DLG2: variants seen among roughly 807,000 people sequenced by gnomAD.
DLG2 encodes the protein discs large MAGUK scaffold protein 2, also known as disks large homolog 2.
Under a neutral mutation model 132.5 loss-of-function variants are expected in DLG2, and 45 were observed. That is an observed-to-expected ratio of 0.34 (90% CI 0.27 to 0.44). DLG2 has a LOEUF of 0.44. Among genes scored for constraint, DLG2 ranks in the 20% least tolerant of loss-of-function variants. The pLI is 1.00. For synonymous variants in DLG2, 424 were observed against 419.6 expected, an observed-to-expected ratio of 1.01 and a Z score of -0.13; for missense variants, 1,045 against 1,196.9, an observed-to-expected ratio of 0.87 and a Z score of 1.87.
rs549552154 is a variant in DLG2, at chr11:84,980,384, T to C, written c.357+131277A>G. On this transcript the variant is annotated intron_variant, in intron 6 of 27. Coordinates refer to ENST00000376104, the MANE Select transcript of DLG2 (RefSeq NM_001142699.3). ...CTACTCTTAAAACTTTTAGTAACTC[T>C]TGCCTGTATGAGGGTACTTTCTGAA... Among the ~76,000 whole-genome samples, 5 of 152,260 alleles carry C rather than the reference T, an allele frequency of 3.3e-5. No individual in the cohort carries two copies. The South Asian group carries it at 8.3e-4, about 25-fold the overall frequency.
intron 20 of DLG2, among the ~76,000 whole-genome samples, chr11:83,536,564 TG>T (rs1356394259): frequency 7.7e-5 from 9 of 116,322 alleles, no homozygotes; most frequent in Admixed American, 1.6e-4. Flanking sequence ...AATAACGTGG[TG>T]TTTTTTTTTT....
At chr11:84,705,401 C>T (rs756107572) in intron 6 of DLG2, among the ~76,000 whole-genome samples, 1 of 151,682 alleles carries the variant, frequency 6.6e-6, no homozygotes, top group Non-Finnish European at 1.5e-5. Flanking sequence ...CCCTTCTTAC[C>T]AGTTCTATTG....
intron 19 of DLG2, among the ~76,000 whole-genome samples, chr11:83,596,670 C>A (rs2057639171): frequency 6.6e-6 from 1 of 152,188 alleles, no homozygotes; most frequent in Non-Finnish European, 1.5e-5. Flanking sequence ...AGATTCCATT[C>A]ACCTGAACCT....
At chr11:84,390,363 A>T (rs920901217) in intron 7 of DLG2, among the ~76,000 whole-genome samples, 2 of 152,186 alleles carry the variant, frequency 1.3e-5, no homozygotes, top group African/African-American at 2.4e-5. Flanking sequence ...AAATGTAATG[A>T]CTACCACCAT....
At chr11:84,817,728 C>T (rs369027800) in intron 6 of DLG2, among the ~76,000 whole-genome samples, 34 of 151,956 alleles carry the variant, frequency 2.2e-4, no homozygotes, top group African/African-American at 6.7e-4. Context: ...TGGGTGAAGA[C>T]GATTACTTTG....
chr11:85,342,645 C>T (rs1459498438), intron 3 of DLG2, among the ~76,000 whole-genome samples: 6 of 152,182 alleles, frequency 3.9e-5, no homozygotes, highest in South Asian at 2.1e-4. Context: ...TCAAGTATTA[C>T]GTGCTGTGCA....
chr11:84,191,396 G>A (rs550528590), intron 8 of DLG2, among the ~76,000 whole-genome samples: 7 of 152,114 alleles, frequency 4.6e-5, no homozygotes, highest in Admixed American at 6.6e-5. Context: ...AAAATAATTT[G>A]TATATAGCTG....
At chr11:85,469,178 G>C (rs895817833) in intron 3 of DLG2, among the ~76,000 whole-genome samples, 5 of 152,060 alleles carry the variant, frequency 3.3e-5, no homozygotes, top group African/African-American at 1.2e-4. Context: ...TCTAAATATA[G>C]CTCAAATATG....
intron 18 of DLG2, among the ~76,000 whole-genome samples, chr11:83,693,443 C>T (rs2081332210): frequency 6.6e-6 from 1 of 152,126 alleles, no homozygotes; most frequent in Non-Finnish European, 1.5e-5. Context: ...AACACGCAAT[C>T]AAACCGTGCA....
chr11:85,134,403 C>T (rs1345054205), intron 5 of DLG2, among the ~76,000 whole-genome samples: 2 of 148,788 alleles, frequency 1.3e-5, no homozygotes, highest in Non-Finnish European at 1.5e-5. Flanking sequence ...GTGGCGGGCG[C>T]CTGTAGTCCC....
At chr11:84,610,898 C>G (rs2099594257) in intron 6 of DLG2, among the ~76,000 whole-genome samples, 1 of 152,036 alleles carries the variant, frequency 6.6e-6, no homozygotes, top group South Asian at 2.1e-4. Context: ...ATTCTCCTCC[C>G]TCTCCTGCCA....
At chr11:85,064,567 C>T (rs2064606830) in intron 6 of DLG2, among the ~76,000 whole-genome samples, 1 of 151,662 alleles carries the variant, frequency 6.6e-6, no homozygotes, top group Admixed American at 6.6e-5. Flanking sequence ...ATTATACCAT[C>T]CCCTAGGGAG....
chr11:84,732,653 A>G (rs1473331065), intron 6 of DLG2, among the ~76,000 whole-genome samples: 1 of 151,168 alleles, frequency 6.6e-6, no homozygotes, highest in Non-Finnish European at 1.5e-5. Context: ...ATAAATATAT[A>G]TTTATTATAC....
In DLG2 at chr11:85,132,925, A is replaced by AG. The variant is rs1248815837; in HGVS notation, c.283-21191dup. ...GGATTCTGTACAGACGGCTTTTCCA[A>AG]GGGGGCCCCTCATGGGAAACTCGAG... On this transcript the variant is annotated intron_variant, in intron 5 of 27. Transcript: ENST00000376104. The AG allele has an allele frequency of 6.9e-6, 3 of 433,612 alleles. No individual in the cohort carries two copies. The Admixed American group carries it at 7.4e-5, about 11-fold the overall frequency. The allele number at this position is 433,612 out of a possible 1,614,324, so 26.9% of individuals were successfully genotyped here.
intron 3 of DLG2, among the ~76,000 whole-genome samples, chr11:85,559,172 G>A (rs1309096465): frequency 7.0e-6 from 1 of 142,224 alleles, no homozygotes; most frequent in African/African-American, 2.6e-5. Context: ...TTTTTTTTGA[G>A]ACGGTGTCTT....
At chr11:84,526,802 G>C (rs986487788) in intron 7 of DLG2, among the ~76,000 whole-genome samples, 31 of 133,372 alleles carry the variant, frequency 2.3e-4, no homozygotes, top group African/African-American at 8.8e-4. Flanking sequence ...TTTTTGAGAC[G>C]GAGTCTTGCT....
intron 6 of DLG2, among the ~76,000 whole-genome samples, chr11:84,797,355 A>T (rs912679665): frequency 6.6e-6 from 1 of 152,178 alleles, no homozygotes. Flanking sequence ...TTTAAGGCTA[A>T]TAATACTTAG....
chr11:83,687,510 C>T (rs1187631668), intron 18 of DLG2, among the ~76,000 whole-genome samples: 2 of 152,090 alleles, frequency 1.3e-5, no homozygotes, highest in African/African-American at 4.8e-5. Context: ...GCTAAAATGA[C>T]CTTCTTTTAT....
At chr11:85,380,146 T>G (rs2085755333) in intron 3 of DLG2, among the ~76,000 whole-genome samples, 1 of 143,946 alleles carries the variant, frequency 6.9e-6, no homozygotes. Context: ...AACCTAGCTG[T>G]GCTAGACCCT....
Sources: gnomAD v4.1 joint callset for allele counts (sites outside exome capture counted in the v4.1 genomes callset) on GRCh38, gnomAD v4.1.1 for gene constraint, MANE v1.5 for transcripts, NCBI Gene and HGNC (gene_info 2026-07-23, HGNC 2026-07-21) for gene names.